EXOC6B: variants seen among roughly 807,000 people sequenced by gnomAD.
The protein encoded by EXOC6B is exocyst complex component 6B, also known as SEC15 homolog B.
In EXOC6B, 54 loss-of-function variants were observed where a neutral mutation model predicts 113.5. The observed-to-expected ratio is 0.48, with a 90% CI of 0.38 to 0.60. EXOC6B has a LOEUF of 0.60. Ranked by LOEUF, EXOC6B falls within the 20% of genes least tolerant of loss-of-function variation. The pLI, the probability that EXOC6B is intolerant of heterozygous loss-of-function variation, is 0.00. For synonymous variants in EXOC6B, 357 were observed against 339.0 expected, an observed-to-expected ratio of 1.05 and a Z score of -0.58; for missense variants, 797 against 977.5, an observed-to-expected ratio of 0.82 and a Z score of 2.46.
At chr2:72,527,789 T>TGC (rs1368725879) in intron 8 of EXOC6B, among the ~76,000 whole-genome samples, 1 of 152,020 alleles carries the variant, frequency 6.6e-6, no homozygotes, top group African/African-American at 2.4e-5. Context: ...GTTGAGTATC[T>TGC]TCTCATGTGC....
intron 18 of EXOC6B, among the ~76,000 whole-genome samples, chr2:72,412,203 A>G (rs1230043137): frequency 6.6e-6 from 1 of 152,214 alleles, no homozygotes; most frequent in Non-Finnish European, 1.5e-5. Flanking sequence ...ATAACCAAAA[A>G]ATAAATAAGA....
intron 20 of EXOC6B, among the ~76,000 whole-genome samples, chr2:72,242,219 T>A (rs1682357437): frequency 6.6e-6 from 1 of 152,180 alleles, no homozygotes; most frequent in Non-Finnish European, 1.5e-5. Flanking sequence ...AAATAAGGCA[T>A]AAAGATCACA....
chr2:72,389,398 G>T (rs564100126), intron 18 of EXOC6B, among the ~76,000 whole-genome samples: 1 of 151,772 alleles, frequency 6.6e-6, no homozygotes, highest in East Asian at 1.9e-4. Flanking sequence ...TATATACATT[G>T]TCATTATTTT....
chr2:72,434,777 C>G (rs1695752172), intron 18 of EXOC6B, among the ~76,000 whole-genome samples: 1 of 151,958 alleles, frequency 6.6e-6, no homozygotes, highest in Non-Finnish European at 1.5e-5. Flanking sequence ...TTTATTGTGT[C>G]TATTTGATTC....
At position 72,411,054 on chromosome 2, in the gene EXOC6B, C is replaced by A. The variant is rs1366508833; in HGVS notation, c.1981-31184G>T. 2.0e-5 allele frequency among the ~76,000 whole-genome samples: 3 copies of A among 152,116 alleles called. No individual in the cohort carries two copies. The East Asian group carries it at 5.8e-4, about 29-fold the overall frequency. On this transcript the variant is annotated intron_variant, in intron 18 of 21. Coordinates refer to ENST00000272427, the MANE Select transcript of EXOC6B (RefSeq NM_015189.3). ...TGAAACCCTGTCTCTACTAAAAATA[C>A]AAAAATTAGCTGGGTATGGTGGTGC...
intron 18 of EXOC6B, among the ~76,000 whole-genome samples, chr2:72,431,315 T>C (rs752875103): frequency 2.1e-4 from 32 of 152,156 alleles, no homozygotes; most frequent in Non-Finnish European, 3.4e-4. Context: ...ATTTTAATTA[T>C]TTTTATTTTT....
intron 7 of EXOC6B, among the ~76,000 whole-genome samples, chr2:72,567,725 G>C (rs1157232370): frequency 6.6e-6 from 1 of 152,036 alleles, no homozygotes; most frequent in African/African-American, 2.4e-5. Context: ...TCAAAAACTG[G>C]ATGGATAATT....
intron 1 of EXOC6B, among the ~76,000 whole-genome samples, chr2:72,789,845 A>T (rs993493127): frequency 1.2e-4 from 19 of 152,190 alleles, no homozygotes; most frequent in African/African-American, 4.1e-4. Flanking sequence ...CTCAATAAAA[A>T]GTTTGGGTAG....
chr2:72,656,942 C>T (rs188445084), intron 6 of EXOC6B, among the ~76,000 whole-genome samples: 34 of 152,234 alleles, frequency 2.2e-4, no homozygotes, highest in Middle Eastern at 3.4e-3. Flanking sequence ...ACCTCCACCC[C>T]CTAGGTTCAA....
chr2:72,214,420 G>A (rs565610459), intron 20 of EXOC6B, among the ~76,000 whole-genome samples: 1 of 151,748 alleles, frequency 6.6e-6, no homozygotes, highest in African/African-American at 2.4e-5. Flanking sequence ...GAACCTGGGA[G>A]GCGGAGCTTG....
rs1325151524 is a variant in EXOC6B, at chr2:72,492,555, G to A, written c.1554-126C>T. 9 of 523,596 alleles carry A rather than the reference G, an allele frequency of 1.7e-5. No individual in the cohort carries two copies. The East Asian group carries it at 1.8e-4, about 11-fold the overall frequency. The allele number at this position is 523,596 out of a possible 1,614,324, so 32.4% of individuals were successfully genotyped here. On this transcript the variant is annotated intron_variant, in intron 15 of 21. Transcript: ENST00000272427. ...ATAGCAGCAGCAAATAATACTTATT[G>A]TAAGTCAGAAAAAGTACTATAATAA... is the stretch of plus-strand genomic sequence containing the variant.
chr2:72,742,903 T>C (rs1045376032), intron 1 of EXOC6B, among the ~76,000 whole-genome samples: 2 of 152,200 alleles, frequency 1.3e-5, no homozygotes, highest in African/African-American at 2.4e-5. Flanking sequence ...TTAATTCCAA[T>C]TGGGTTTTTA....
intron 6 of EXOC6B, among the ~76,000 whole-genome samples, chr2:72,680,204 T>G (rs150632167): frequency 0.016 from 2,470 of 152,312 alleles, 85 homozygotes; most frequent in African/African-American, 0.057. Context: ...TCTGCTATTA[T>G]TTCAAGAAAA....
chr2:72,189,973 C>T (rs527560303), intron 20 of EXOC6B, among the ~76,000 whole-genome samples: 7 of 149,876 alleles, frequency 4.7e-5, no homozygotes, highest in Middle Eastern at 6.9e-3. Flanking sequence ...CTCAGCCTCC[C>T]GAGTAGCTGG....
intron 8 of EXOC6B, among the ~76,000 whole-genome samples, chr2:72,544,956 T>A (rs1251025421): frequency 6.6e-6 from 1 of 152,122 alleles, no homozygotes; most frequent in African/African-American, 2.4e-5. Flanking sequence ...TTGCCTTAAT[T>A]TCTAGTAAAG....
intron 6 of EXOC6B, among the ~76,000 whole-genome samples, chr2:72,696,688 GT>G (rs1677908390): frequency 6.6e-6 from 1 of 152,200 alleles, no homozygotes; most frequent in Admixed American, 6.5e-5. Context: ...AAGACACCAT[GT>G]GGAGAACTGA....
intron 11 of EXOC6B, among the ~76,000 whole-genome samples, chr2:72,508,163 C>CAAAAA (rs67586747): frequency 7.0e-5 from 4 of 57,528 alleles, no homozygotes; most frequent in African/African-American, 5.2e-4. Flanking sequence ...ATATTACCCG[C>CAAAAA]AAAAAAAAAA....
intron 6 of EXOC6B, among the ~76,000 whole-genome samples, chr2:72,631,426 G>GTGTATATATA (rs1290760055): frequency 3.2e-4 from 9 of 28,184 alleles, no homozygotes; most frequent in African/African-American, 6.9e-4. Context: ...GTGTGTGTGT[G>GTGTATATATA]TATATATATA....
At chr2:72,637,924 C>CA (rs1490573268) in intron 6 of EXOC6B, among the ~76,000 whole-genome samples, 17 of 151,514 alleles carry the variant, frequency 1.1e-4, no homozygotes, top group Non-Finnish European at 1.6e-4. Context: ...AAACTTCCAA[C>CA]AAAAAAATCT....
Sources: allele counts gnomAD v4.1 joint callset (sites outside exome capture counted in the v4.1 genomes callset), GRCh38; gene constraint gnomAD v4.1.1; transcripts MANE v1.5; gene names NCBI Gene and HGNC (gene_info 2026-07-23, HGNC 2026-07-21).